Variants in FRA10AC1 observed in about 807,000 individuals in gnomAD.
FRA10AC1 encodes the protein FRA10A associated CGG repeat 1.
A neutral mutation model predicts 56.5 loss-of-function variants in FRA10AC1; 43 were observed. That is an observed-to-expected ratio of 0.76 (90% CI 0.60 to 0.98). The LOEUF is 0.98. Among genes scored for constraint, FRA10AC1 ranks in the 50% least tolerant of loss-of-function variants. FRA10AC1 has a pLI of 0.00. For synonymous variants in FRA10AC1, 112 were observed against 110.5 expected, an observed-to-expected ratio of 1.01 and a Z score of -0.09; for missense variants, 346 against 351.8, an observed-to-expected ratio of 0.98 and a Z score of 0.13.
rs1483504382 is a variant in FRA10AC1 at position 93,670,798 on chromosome 10, G to C, written c.877C>G (p.Pro293Ala). 3.1e-6 allele frequency: 5 copies of C among 1,610,350 alleles called. No homozygotes were observed. Among genetic ancestry groups the C allele is most frequent in the Non-Finnish European group, 4.2e-6 (5 of 1,177,122 alleles). Residue 293 changes from proline (P) to alanine (A), a missense_variant, in exon 13 of 14, where the codon CCA (proline) becomes GCA (alanine). Physicochemically the swap from Pro to Ala is conservative, Grantham distance 27 (BLOSUM62 -1). Transcript: ENST00000359204. ...SASESELWKG[P>A]LPETDEKSQE... ...GATTTTTCATCTGTCTCTGGTAGTGGACCCTTCCAAAGTTCAGATTCTGAA... is the reference window on the plus strand; with the variant it reads ...GATTTTTCATCTGTCTCTGGTAGTGCACCCTTCCAAAGTTCAGATTCTGAA...
At chr10:93,690,623 A>AG (rs2059109713) in intron 7 of FRA10AC1, among the ~76,000 whole-genome samples, 1 of 152,202 alleles carries the variant, frequency 6.6e-6, no homozygotes, top group African/African-American at 2.4e-5. Context: ...AATGAAAAAA[A>AG]GAAAAAAAAC....
At chr10:93,687,543 A>G in intron 7 of FRA10AC1, 94 bp from the exon 8 acceptor site, 1 of 1,133,574 alleles carries the variant, frequency 8.8e-7, no homozygotes, top group Non-Finnish European at 1.2e-6. Context: ...CAACCTAAAA[A>G]ATAAATGTAA....
At chr10:93,685,122 CA>C (rs1460880918) in intron 9 of FRA10AC1, 123 bp downstream of exon 9, 1 of 591,508 alleles carries the variant, frequency 1.7e-6, no homozygotes, top group Non-Finnish European at 3.0e-6. Flanking sequence ...TGGGAAGCTC[CA>C]AGAAAAAAGA....
intron 12 of FRA10AC1, chr10:93,673,232 C>T (rs535891082): frequency 1.4e-5 from 6 of 433,740 alleles, no homozygotes; most frequent in Non-Finnish European, 2.3e-5. Context: ...TCTGCCAACC[C>T]AGAGTCATAA....
At chr10:93,689,392 A>C (rs866203883) in intron 7 of FRA10AC1, among the ~76,000 whole-genome samples, 9 of 152,118 alleles carry the variant, frequency 5.9e-5, no homozygotes, top group Non-Finnish European at 1.5e-5. Context: ...AAATCCTCCA[A>C]ATCTAGGGGA....
chr10:93,675,629 T>TG, intron 12 of FRA10AC1: 1 of 344,932 alleles, frequency 2.9e-6, no homozygotes, highest in Non-Finnish European at 6.3e-6. Context: ...CACTTGAACC[T>TG]GGGAAGCAGG....
At chr10:93,680,866 A>G (rs2058922408) in intron 11 of FRA10AC1, among the ~76,000 whole-genome samples, 1 of 152,216 alleles carries the variant, frequency 6.6e-6, no homozygotes, top group African/African-American at 2.4e-5. Context: ...ATTGAGTCTT[A>G]GCGAGCTTAA....
At chr10:93,689,848 C>A (rs1319638012) in intron 7 of FRA10AC1, among the ~76,000 whole-genome samples, 1 of 152,122 alleles carries the variant, frequency 6.6e-6, no homozygotes, top group Non-Finnish European at 1.5e-5. Flanking sequence ...AAGCAGTAAA[C>A]AAGAAGGATT....
At chr10:93,672,102 T>C (rs2058772788) in intron 12 of FRA10AC1, 1 of 445,380 alleles carries the variant, frequency 2.2e-6, no homozygotes, top group Non-Finnish European at 4.5e-6. Context: ...AAAAAAGAAA[T>C]GGCACAAATG....
chr10:93,687,517 C>G, intron 7 of FRA10AC1, 68 bp from the exon 8 acceptor site: 1 of 1,318,020 alleles, frequency 7.6e-7, no homozygotes, highest in East Asian at 2.7e-5. Context: ...AACATGGAGC[C>G]AACAATGACA....
chr10:93,693,512 C>CTATATATATATATAT (rs2059166104), intron 5 of FRA10AC1, among the ~76,000 whole-genome samples: 1 of 16,316 alleles, frequency 6.1e-5, no homozygotes, highest in African/African-American at 1.5e-4. Flanking sequence ...ATATATACAC[C>CTATATATATATATAT]ATATATATAT....
chr10:93,701,571 C>CGCCTCTCCCT (rs2059332532), intron 1 of FRA10AC1, among the ~76,000 whole-genome samples: 1 of 152,092 alleles, frequency 6.6e-6, no homozygotes, highest in Non-Finnish European at 1.5e-5. Context: ...TTCTCTGCCC[C>CGCCTCTCCCT]ACTAAAATCC....
At chr10:93,694,643 G>A (rs1055104957) in intron 5 of FRA10AC1, among the ~76,000 whole-genome samples, 15 of 147,032 alleles carry the variant, frequency 1.0e-4, no homozygotes, top group Admixed American at 4.2e-4. Context: ...GAACCACAGC[G>A]GCACAGGTTG....
At chr10:93,700,191 A>C (rs1160182339) in intron 1 of FRA10AC1, 85 bp from the exon 2 acceptor site, 578 of 789,506 alleles carry the variant, frequency 7.3e-4, no homozygotes, top group Middle Eastern at 2.3e-4. Flanking sequence ...GTTATCTTAA[A>C]CAGCCACAAT....
chr10:93,672,190 A>T, intron 12 of FRA10AC1: 1 of 353,424 alleles, frequency 2.8e-6, no homozygotes, highest in Non-Finnish European at 5.4e-6. Flanking sequence ...CGGTAGTTCT[A>T]GCCTTTTACC....
intron 11 of FRA10AC1, among the ~76,000 whole-genome samples, chr10:93,679,952 T>C (rs1268851536): frequency 6.6e-6 from 1 of 152,174 alleles, no homozygotes; most frequent in East Asian, 1.9e-4. Context: ...CCCAGATTTC[T>C]GATATTAGTT....
intron 4 of FRA10AC1, among the ~76,000 whole-genome samples, chr10:93,696,273 C>T (rs11187594): frequency 0.41 from 61,775 of 152,012 alleles, 14,684 homozygotes; most frequent in Non-Finnish European, 0.52. Flanking sequence ...GGTGACAACC[C>T]GGAAACACCA....
chr10:93,674,996 C>T (rs375766977), intron 12 of FRA10AC1: 1 of 152,078 alleles, frequency 6.6e-6, no homozygotes, highest in Non-Finnish European at 1.5e-5. Flanking sequence ...AATGTATTTT[C>T]GAAACTGTCA....
intron 10 of FRA10AC1, among the ~76,000 whole-genome samples, chr10:93,683,396 G>C (rs540785635): frequency 6.6e-6 from 1 of 151,834 alleles, no homozygotes; most frequent in Non-Finnish European, 1.5e-5. Flanking sequence ...CTGTTGCTAG[G>C]CTGGAATGCA....
Sources: gnomAD v4.1 joint callset for allele counts (sites outside exome capture counted in the v4.1 genomes callset) on GRCh38, gnomAD v4.1.1 for gene constraint, MANE v1.5 for transcripts, NCBI Gene and HGNC (gene_info 2026-07-23, HGNC 2026-07-21) for gene names.